Variants in L3MBTL3 observed in about 807,000 individuals in gnomAD.
The protein encoded by L3MBTL3 is L3MBTL histone methyl-lysine binding protein 3, also known as lethal(3)malignant brain tumor-like protein 3.
L3MBTL3 carries 27 observed loss-of-function variants against 102.3 expected under a neutral mutation model. The observed-to-expected ratio is 0.26, with a 90% CI of 0.19 to 0.36. L3MBTL3 has a LOEUF of 0.36. L3MBTL3 is among the 10% of genes least tolerant of loss of function. The pLI is 1.00. For synonymous variants in L3MBTL3, 340 were observed against 320.9 expected (o/e 1.06, Z -0.64); for missense variants, 798 against 955.3 (o/e 0.84, Z 2.17).
At chr6:130,086,835 T>C (rs75730149) in intron 16 of L3MBTL3, among the ~76,000 whole-genome samples, 1 of 152,202 alleles carries the variant, frequency 6.6e-6, no homozygotes, top group Non-Finnish European at 1.5e-5. Context: ...ACTTCAGCAT[T>C]AACTTCACCC....
At chr6:130,032,210 G>T (rs1443336365) in intron 2 of L3MBTL3, among the ~76,000 whole-genome samples, 1 of 152,126 alleles carries the variant, frequency 6.6e-6, no homozygotes, top group African/African-American at 2.4e-5. Flanking sequence ...TTTTTAGGTA[G>T]TGATCTTCAC....
rs1491324115 is a variant in L3MBTL3 at position 130,108,229 on chromosome 6, TTG to T, written c.1886+3656_1886+3657del. Among the ~76,000 whole-genome samples, 39 of 119,224 alleles carry T rather than the reference TTG, an allele frequency of 3.3e-4. 3 individuals are homozygous for T. Among genetic ancestry groups the T allele is most frequent in the Non-Finnish European group, 4.5e-4 (26 of 58,358 alleles). The allele number at this position is 119,224 out of a possible 152,430, so 78.2% of individuals were successfully genotyped here. A position where few individuals can be genotyped will look rare whatever the true frequency, so the allele number is the denominator to read the frequency against. Reference sequence around the variant, plus strand: ...CAATAAATGTTAGGTGGTTTTTTTTTTGTTTTTTTTTTTTTTTTTTTTTTAGA... The same window carrying T: ...CAATAAATGTTAGGTGGTTTTTTTTTTTTTTTTTTTTTTTTTTTTTTTAGA... On this transcript the variant is annotated intron_variant, in intron 19 of 22. Transcript: ENST00000361794.
intron 2 of L3MBTL3, among the ~76,000 whole-genome samples, chr6:130,028,525 A>C (rs1779503876): frequency 6.6e-6 from 1 of 152,198 alleles, no homozygotes; most frequent in Non-Finnish European, 1.5e-5. Context: ...ACATTGAAAT[A>C]ATGATCTAGA....
chr6:130,042,843 T>C lies in L3MBTL3; in HGVS notation c.102+42T>C, dbSNP rs745962995. 2.4e-6 allele frequency: 3 copies of C among 1,244,242 alleles called. No homozygotes were observed. In the Admixed American group the frequency reaches 5.1e-5, roughly 21 times the overall value. 77.1% of individuals were successfully genotyped at this position (1,244,242 alleles called of 1,614,324 possible). ...ACATACAATTATGTGTGTGTGCATC[T>C]GTGCGTATGCTTACTTAAAATTGGA... On this transcript the variant is annotated intron_variant, in intron 3 of 22. Transcript: ENST00000361794.
At chr6:130,021,003 G>T (rs1237765310) in intron 1 of L3MBTL3, among the ~76,000 whole-genome samples, 1 of 152,070 alleles carries the variant, frequency 6.6e-6, no homozygotes, top group Non-Finnish European at 1.5e-5. Context: ...GGCGCGGCCG[G>T]GGCGAGTGCG....
intron 19 of L3MBTL3, among the ~76,000 whole-genome samples, chr6:130,111,505 C>T (rs1412783543): frequency 1.3e-5 from 2 of 152,224 alleles, no homozygotes; most frequent in East Asian, 1.9e-4. Flanking sequence ...TGGGCTGTGG[C>T]ATCAACCCAA....
intron 19 of L3MBTL3, among the ~76,000 whole-genome samples, chr6:130,105,347 C>G (rs1784921501): frequency 6.6e-6 from 1 of 152,176 alleles, no homozygotes; most frequent in Non-Finnish European, 1.5e-5. Flanking sequence ...GGCATTTAAA[C>G]TAAAGGATTG....
chr6:130,055,169 A>G lies in L3MBTL3; in HGVS notation c.583-2A>G. On this transcript the variant is annotated splice_acceptor_variant, in intron 7 of 22. Transcript: ENST00000361794. LOFTEE classifies it high-confidence loss of function. ...AGTCATAATTTTCCTTTCTTTTTGTAGGAGAACAAACAAGATGTAAGAATC... is the reference window on the plus strand; with the variant it reads ...AGTCATAATTTTCCTTTCTTTTTGTGGGAGAACAAACAAGATGTAAGAATC... 1 of 1,612,282 alleles carries G rather than the reference A, an allele frequency of 6.2e-7. No homozygotes were observed. Among genetic ancestry groups the G allele is most frequent in the East Asian group, 2.2e-5 (1 of 44,858 alleles).
intron 12 of L3MBTL3, 104 bp from the exon 13 acceptor site, chr6:130,070,872 C>A: frequency 7.5e-6 from 3 of 400,940 alleles, no homozygotes; most frequent in Non-Finnish European, 7.7e-6. Flanking sequence ...TATGTGAATA[C>A]AGCAGTGGAT....
At chr6:130,074,022 A>T (rs767308962) in intron 13 of L3MBTL3, among the ~76,000 whole-genome samples, 2 of 152,178 alleles carry the variant, frequency 1.3e-5, no homozygotes, top group Non-Finnish European at 2.9e-5. Context: ...ACTTTTACTA[A>T]ATATTATGCT....
At chr6:130,055,467 C>CCTCCCTCTCTCT (rs1781406798) in intron 8 of L3MBTL3, among the ~76,000 whole-genome samples, 1 of 94,858 alleles carries the variant, frequency 1.1e-5, no homozygotes, top group Non-Finnish European at 2.5e-5. Context: ...GAACTGTCTT[C>CCTCCCTCTCTCT]CTCCCTCCCT....
At chr6:130,092,908 C>A in intron 17 of L3MBTL3, 49 bp downstream of exon 17, 1 of 1,151,166 alleles carries the variant, frequency 8.7e-7, no homozygotes, top group Non-Finnish European at 1.3e-6. Context: ...CCATATGTAG[C>A]ATTCTTAAGA....
At chr6:130,132,895 TA>T (rs1184645379) in intron 20 of L3MBTL3, among the ~76,000 whole-genome samples, 1 of 152,238 alleles carries the variant, frequency 6.6e-6, no homozygotes, top group African/African-American at 2.4e-5. Context: ...TCTGCTGTTT[TA>T]TTTTTATTGC....
At chr6:130,097,026 C>T (rs1211077488) in intron 18 of L3MBTL3, among the ~76,000 whole-genome samples, 2 of 152,216 alleles carry the variant, frequency 1.3e-5, no homozygotes, top group Non-Finnish European at 2.9e-5. Context: ...ATGCAATTCA[C>T]AGAACTCCTG....
intron 2 of L3MBTL3, among the ~76,000 whole-genome samples, chr6:130,030,490 G>A (rs1331614456): frequency 4.0e-5 from 6 of 151,592 alleles, no homozygotes; most frequent in Non-Finnish European, 1.5e-5. Flanking sequence ...GTGAAACCCC[G>A]TCTCTACTGA....
At chr6:130,048,970 A>ACACACACATACG (rs1780907515) in intron 3 of L3MBTL3, among the ~76,000 whole-genome samples, 1 of 151,856 alleles carries the variant, frequency 6.6e-6, no homozygotes. Context: ...ACACACACAC[A>ACACACACATACG]TACACACACA....
intron 20 of L3MBTL3, among the ~76,000 whole-genome samples, chr6:130,123,682 T>C (rs1054830682): frequency 6.6e-6 from 1 of 152,238 alleles, no homozygotes; most frequent in African/African-American, 2.4e-5. Context: ...TAGATTTCTT[T>C]TATCTTTTCA....
At chr6:130,102,987 T>A (rs57594831) in intron 18 of L3MBTL3, among the ~76,000 whole-genome samples, 2,979 of 152,360 alleles carry the variant, frequency 0.02, 108 homozygotes, top group African/African-American at 0.069. Context: ...GAGTTTCCAA[T>A]GCCTGGAAAG....
intron 3 of L3MBTL3, among the ~76,000 whole-genome samples, chr6:130,047,403 T>A (rs1403613425): frequency 6.6e-6 from 1 of 152,226 alleles, no homozygotes; most frequent in Non-Finnish European, 1.5e-5. Flanking sequence ...TATTTGAACC[T>A]GAAGCTTCCA....
Sources: allele counts gnomAD v4.1 joint callset (sites outside exome capture counted in the v4.1 genomes callset), GRCh38; gene constraint gnomAD v4.1.1; transcripts MANE v1.5; gene names NCBI Gene and HGNC (gene_info 2026-07-23, HGNC 2026-07-21).